The following CPLANE1 variants were observed in gnomAD, a reference collection of about 807,000 sequenced individuals.
CPLANE1 encodes ciliogenesis and planar polarity effector complex subunit 1.
CPLANE1 carries 263 observed loss-of-function variants against 362.5 expected under a neutral mutation model. The observed-to-expected ratio is 0.73, with a 90% CI of 0.66 to 0.80. CPLANE1 has a LOEUF of 0.80. Among genes scored for constraint, CPLANE1 ranks in the 30% least tolerant of loss-of-function variants. CPLANE1 has a pLI of 0.00. For missense variants in CPLANE1, 3,461 were observed against 3,793.4 expected (o/e 0.91, Z 2.30); for synonymous variants, 1,212 against 1,302.6 (o/e 0.93, Z 1.50).
At chr5:37,179,488 T>C in intron 28 of CPLANE1, 45 bp from the exon 29 acceptor site, 6 of 1,348,208 alleles carry the variant, frequency 4.5e-6, no homozygotes, top group East Asian at 2.3e-5. Flanking sequence ...ATTTAAAAAA[T>C]AAGCTATTGA....
chr5:37,214,911 T>C (rs1418830760), intron 15 of CPLANE1, among the ~76,000 whole-genome samples: 10 of 152,234 alleles, frequency 6.6e-5, no homozygotes, highest in Admixed American at 6.5e-4. Flanking sequence ...AAAAGTTGAA[T>C]TACTTGAGAC....
intron 48 of CPLANE1, 91 bp from the exon 49 acceptor site, chr5:37,121,875 G>A (rs1762743350): frequency 1.0e-6 from 1 of 973,222 alleles, no homozygotes; most frequent in Non-Finnish European, 1.5e-6. Flanking sequence ...CACCTAGCAT[G>A]TTCTGGTTTT....
chr5:37,184,998 C>A lies in CPLANE1; in HGVS notation c.4271G>T (p.Arg1424Ile), dbSNP rs1454898277. 6.2e-7 allele frequency: 1 copy of A among 1,614,082 alleles called. No individual in the cohort carries two copies. The highest frequency in any genetic ancestry group is 1.7e-5 in the Admixed American group (1 of 60,010). ...ATTCACTTCAAAAGAGCCTATATTT[C>A]TCTGCACACGTTTTAGAGCTTTCAC... is the stretch of plus-strand genomic sequence containing the variant. ...VRVKALKRVQ[R>I]NIGSFEVNIW... is the part of the protein sequence containing the mutation. Residue 1424 changes from arginine (R) to isoleucine (I), a missense_variant, in exon 25 of 53, where the codon AGA becomes ATA. Coordinates refer to ENST00000651892, the MANE Select transcript of CPLANE1 (RefSeq NM_001384732.1).
Position 37,169,435 on chromosome 5 carries a change from G to C in CPLANE1, c.6589C>G (p.Leu2197Val). The C allele has an allele frequency of 6.2e-7, 1 of 1,614,170 alleles. No homozygotes were observed. Among genetic ancestry groups the C allele is most frequent in the Non-Finnish European group, 8.5e-7 (1 of 1,180,032 alleles). The change falls in exon 34 of 53, where the codon CTC becomes GTC. Residue 2197 changes from leucine (L) to valine (V), a missense_variant. This residue lies in a region of CPLANE1 where 3,380 missense variants were observed against 3,666.1 expected (regional missense o/e 0.92). Transcript: ENST00000651892. ...FYPAPAGNTHLYLLSTPSVVQ... is the reference protein window; with the variant it reads ...FYPAPAGNTHVYLLSTPSVVQ... ...ACAGAAGGTGTGGACAAAAGGTAGA[G>C]GTGAGTATTTCCAGCAGGAGCTGGA...
chr5:37,139,623 C>T, intron 44 of CPLANE1: 1 of 590,910 alleles, frequency 1.7e-6, no homozygotes, highest in Non-Finnish European at 2.2e-6. Context: ...ATGGTCATGG[C>T]ATACTACAAC....
At chr5:37,113,264 TG>T (rs934221739) in intron 51 of CPLANE1, among the ~76,000 whole-genome samples, 18 of 152,334 alleles carry the variant, frequency 1.2e-4, no homozygotes, top group African/African-American at 4.1e-4. Context: ...ACCTTCATGC[TG>T]CTGGTCTTGT....
At chr5:37,230,406 T>C (rs533357987) in intron 9 of CPLANE1, among the ~76,000 whole-genome samples, 3 of 151,988 alleles carry the variant, frequency 2.0e-5, no homozygotes, top group African/African-American at 7.2e-5. Context: ...TAAAATATTG[T>C]ATATCAATAA....
intron 15 of CPLANE1, among the ~76,000 whole-genome samples, chr5:37,216,575 T>C (rs1207340398): frequency 1.3e-5 from 2 of 151,808 alleles, no homozygotes; most frequent in Admixed American, 1.3e-4. Flanking sequence ...ATGTGTGGAG[T>C]GAAGGGAGAT....
intron 5 of CPLANE1, among the ~76,000 whole-genome samples, chr5:37,243,848 A>T (rs969822704): frequency 4.2e-5 from 6 of 141,864 alleles, no homozygotes; most frequent in Non-Finnish European, 6.0e-5. Flanking sequence ...TATATATTAT[A>T]TATTATACTT....
intron 50 of CPLANE1, among the ~76,000 whole-genome samples, chr5:37,117,642 T>A (rs988569157): frequency 6.6e-6 from 1 of 152,044 alleles, no homozygotes; most frequent in Non-Finnish European, 1.5e-5. Flanking sequence ...ACAGGTTCTA[T>A]GGGGAAAGGA....
Position 37,107,604 on chromosome 5 carries a change from A to C in CPLANE1, c.9754T>G (p.Ter3252GluextTer22), listed in dbSNP as rs1267447258. 1 of 1,605,854 alleles carries C rather than the reference A, an allele frequency of 6.2e-7. No homozygotes were observed. Among genetic ancestry groups the C allele is most frequent in the African/African-American group, 1.3e-5 (1 of 74,844 alleles). Reference sequence around the variant, plus strand: ...GGAAACCCAATGATATCCAGGTCTTACAGGTCCAGGGCCCAGTGGACAGAC... The same window carrying C: ...GGAAACCCAATGATATCCAGGTCTTCCAGGTCCAGGGCCCAGTGGACAGAC... ...GLSVHWALDL[*>E] The change falls in exon 53 of 53, where the codon TAA (stop) becomes GAA (glutamate). Residue 3252 changes from the stop codon to glutamate (E), a stop_lost. Transcript: ENST00000651892.
At chr5:37,216,516 T>C (rs1471204451) in intron 15 of CPLANE1, among the ~76,000 whole-genome samples, 2 of 152,172 alleles carry the variant, frequency 1.3e-5, no homozygotes, top group African/African-American at 4.8e-5. Context: ...GCCACTGCAC[T>C]CCAGCCTAGG....
intron 8 of CPLANE1, 133 bp from the exon 9 acceptor site, chr5:37,231,182 T>C (rs183914013): frequency 4.8e-5 from 23 of 479,178 alleles, no homozygotes; most frequent in African/African-American, 3.8e-4. Context: ...TAGTAGACAA[T>C]TGCCATACAC....
At chr5:37,080,480 G>A in the CPLANE1 span, among the ~76,000 whole-genome samples, 2 of 152,214 alleles carry the variant, frequency 1.3e-5, no homozygotes, top group African/African-American at 2.4e-5. Flanking sequence ...TCAAAGCATG[G>A]TAGATGCAGA....
chr5:37,203,661 G>T (rs1789865395), intron 18 of CPLANE1, among the ~76,000 whole-genome samples: 1 of 152,088 alleles, frequency 6.6e-6, no homozygotes, highest in African/African-American at 2.4e-5. Flanking sequence ...GGGACTACAG[G>T]CATATACCAT....
At chr5:37,131,272 C>A (rs1167705198) in intron 46 of CPLANE1, among the ~76,000 whole-genome samples, 1 of 152,152 alleles carries the variant, frequency 6.6e-6, no homozygotes, top group Non-Finnish European at 1.5e-5. Context: ...GCGCTTTCTA[C>A]CACACCCTAC....
In CPLANE1 at chr5:37,107,550, C is replaced by A; in HGVS notation, c.*52G>T. On this transcript the variant is annotated 3_prime_UTR_variant, in exon 53 of 53. Transcript: ENST00000651892. ...CCTTAAACCTGTTAATCTTTCAGAA[C>A]CACATTACTGAGGTGCTGGCCTGTG... 2 of 1,458,232 alleles carry A rather than the reference C, an allele frequency of 1.4e-6. No individual in the cohort carries two copies. Among genetic ancestry groups the A allele is most frequent in the South Asian group, 1.6e-5 (1 of 62,778 alleles). The allele number at this position is 1,458,232 out of a possible 1,614,324, so 90.3% of individuals were successfully genotyped here.
intron 33 of CPLANE1, 95 bp downstream of exon 33, chr5:37,169,946 C>T (rs977338034): frequency 2.4e-6 from 3 of 1,256,344 alleles, no homozygotes; most frequent in Middle Eastern, 2.0e-4. Flanking sequence ...AGGCTGGTCT[C>T]GAACTCCCAA....
chr5:37,092,886 C>A, the CPLANE1 span, among the ~76,000 whole-genome samples: 2 of 152,150 alleles, frequency 1.3e-5, no homozygotes, highest in Non-Finnish European at 2.9e-5. Context: ...TATTTCACCC[C>A]AAAACTCCAC....
Sources: allele counts gnomAD v4.1 joint callset (sites outside exome capture counted in the v4.1 genomes callset), GRCh38; gene constraint gnomAD v4.1.1; regional missense constraint gnomAD v4.1.1; transcripts MANE v1.5; gene names NCBI Gene and HGNC (gene_info 2026-07-23, HGNC 2026-07-21).